The following HYDIN variants were observed in gnomAD, a reference collection of about 807,000 sequenced individuals.
HYDIN encodes the protein axonemal central pair apparatus protein HYDIN.
A neutral mutation model predicts 403.9 loss-of-function variants in HYDIN; 132 were observed. The observed-to-expected ratio is 0.33, with a 90% CI of 0.28 to 0.38. The LOEUF is 0.38. HYDIN is among the 10% of genes least tolerant of loss of function. HYDIN has a pLI of 1.00. For missense variants in HYDIN, 2,827 were observed against 5,009.5 expected, an observed-to-expected ratio of 0.56 and a Z score of 13.15; for synonymous variants, 1,202 against 1,891.7, an observed-to-expected ratio of 0.64 and a Z score of 9.46.
chr16:71,042,096 C>T (rs2081302921), intron 18 of HYDIN, among the ~76,000 whole-genome samples: 1 of 150,678 alleles, frequency 6.6e-6, no homozygotes, highest in African/African-American at 2.4e-5. Context: ...TCAATATTTG[C>T]ATACGTTGTT....
intron 50 of HYDIN, among the ~76,000 whole-genome samples, chr16:70,906,162 G>T (rs112276113): frequency 0.04 from 6,072 of 152,232 alleles, 188 homozygotes; most frequent in South Asian, 0.12. Context: ...AAAAAAACTA[G>T]AATTGCTAAG....
intron 1 of HYDIN, among the ~76,000 whole-genome samples, chr16:71,189,494 G>A (rs972654592): frequency 1.3e-5 from 2 of 152,060 alleles, no homozygotes; most frequent in South Asian, 2.1e-4. Context: ...TTGGCTGGGC[G>A]TAGTGGCTCA....
chr16:70,921,048 C>A lies in HYDIN; in HGVS notation c.7328G>T (p.Gly2443Val), dbSNP rs200019472. 15 of 1,611,478 alleles carry A rather than the reference C, an allele frequency of 9.3e-6. No individual in the cohort carries two copies. The highest frequency in any genetic ancestry group is 1.3e-5 in the Non-Finnish European group (15 of 1,178,526). Residue 2443 changes from glycine (G) to valine (V), a missense_variant, in exon 46 of 86, where the codon GGG becomes GTG. Transcript: ENST00000393567. ...PLVQDQEDSEGDNSKDPDKQL... is the reference protein window; with the variant it reads ...PLVQDQEDSEVDNSKDPDKQL... ...CTTGTCGGGGTCCTTTGAGTTGTCCCCTTCACTGTCCTCTTGGTCCTGGAC... is the reference window on the plus strand; with the variant it reads ...CTTGTCGGGGTCCTTTGAGTTGTCCACTTCACTGTCCTCTTGGTCCTGGAC...
Position 70,818,415 on chromosome 16 carries a change from A to T in HYDIN, c.14585T>A (p.Val4862Glu), listed in dbSNP as rs1490561111. Residue 4862 changes from valine (V) to glutamate (E), a missense_variant, in exon 84 of 86, where the codon GTG (valine) becomes GAG (glutamate). Physicochemically the swap from Val to Glu is moderately radical, Grantham distance 121 (BLOSUM62 -2). Transcript: ENST00000393567. ...CATCCGGCATTCCGTGGAGAAGGTCACCGAGTAGGGCAGAGGGTTCTCCAA... is the reference window on the plus strand; with the variant it reads ...CATCCGGCATTCCGTGGAGAAGGTCTCCGAGTAGGGCAGAGGGTTCTCCAA... ...IKLENPLPYSVTFSTECRMPD... is the reference protein window; with the variant it reads ...IKLENPLPYSETFSTECRMPD... The T allele has an allele frequency of 6.2e-7, 1 of 1,613,356 alleles. No individual in the cohort carries two copies. Among genetic ancestry groups the T allele is most frequent in the Admixed American group, 1.7e-5 (1 of 59,952 alleles).
Position 70,807,682 on chromosome 16 carries a change from G to C in HYDIN, c.15264C>G (p.Ser5088Arg), listed in dbSNP as rs778557442. The C allele has an allele frequency of 1.2e-6, 2 of 1,614,148 alleles. No individual in the cohort carries two copies. Among genetic ancestry groups the C allele is most frequent in the South Asian group, 1.1e-5 (1 of 91,082 alleles). ...TVSFEGNPSG[S>R]KTPITTKLTV... ...TCAGCTTGGTGGTGATGGGGGTTTTGCTGCCAGATGGGTTTCCTTCAAAGG... is the reference window on the plus strand; with the variant it reads ...TCAGCTTGGTGGTGATGGGGGTTTTCCTGCCAGATGGGTTTCCTTCAAAGG... Residue 5088 changes from serine to arginine, a missense_variant, in exon 86 of 86, where the codon AGC becomes AGG. By Grantham distance (110) the Ser-to-Arg change is moderately radical. Coordinates refer to ENST00000393567, the MANE Select transcript of HYDIN (RefSeq NM_001270974.2).
At chr16:71,208,036 C>T (rs899724290) in intron 1 of HYDIN, among the ~76,000 whole-genome samples, 4 of 152,128 alleles carry the variant, frequency 2.6e-5, no homozygotes, top group Non-Finnish European at 4.4e-5. Flanking sequence ...CAAAGAAAGT[C>T]AGGACCTAAA....
At chr16:70,912,365 A>AT (rs1210707483) in intron 47 of HYDIN, among the ~76,000 whole-genome samples, 1 of 105,838 alleles carries the variant, frequency 9.4e-6, no homozygotes, top group East Asian at 2.6e-4. Context: ...TATTGAAATG[A>AT]TCATGTGATT....
intron 12 of HYDIN, among the ~76,000 whole-genome samples, chr16:71,087,025 AAAC>A (rs1303057029): frequency 1.3e-5 from 2 of 151,354 alleles, no homozygotes; most frequent in Non-Finnish European, 2.9e-5. Flanking sequence ...AATATTTGGA[AAAC>A]AACCCTCATT....
At chr16:70,957,013 G>A (rs1597410287) in intron 39 of HYDIN, among the ~76,000 whole-genome samples, 3 of 140,614 alleles carry the variant, frequency 2.1e-5, no homozygotes, top group Non-Finnish European at 4.5e-5. Context: ...TCATTTATAA[G>A]TATATGATTT....
rs377146809 is a variant in HYDIN, at chr16:70,808,051, T to C, written c.14895A>G (p.Thr4965=). 5.0e-5 allele frequency: 81 copies of C among 1,607,734 alleles called. No homozygotes were observed. The African/African-American group carries it at 9.2e-4, about 18-fold the overall frequency. Reference sequence around the variant, plus strand: ...TAATGAGTTTTTCTGCGTGGAAGTCTGTACAGTCGGTCTGAAAGGGGAACA... The same window carrying C: ...TAATGAGTTTTTCTGCGTGGAAGTCCGTACAGTCGGTCTGAAAGGGGAACA... ...RTEYYCRTDC[T]DFHAEKLINA... The change falls in exon 86 of 86, where the codon ACA becomes ACG. Residue 4965 remains threonine (T), a synonymous_variant. Coordinates refer to ENST00000393567, the MANE Select transcript of HYDIN (RefSeq NM_001270974.2).
intron 15 of HYDIN, among the ~76,000 whole-genome samples, chr16:71,065,919 AAG>A (rs2082248596): frequency 6.6e-6 from 1 of 152,168 alleles, no homozygotes; most frequent in African/African-American, 2.4e-5. Flanking sequence ...AAGGACATGA[AAG>A]AGGCTTTCTT....
chr16:70,807,994 T>G lies in HYDIN; in HGVS notation c.14952A>C (p.Glu4984Asp). Residue 4984 changes from glutamate (E) to aspartate (D), a missense_variant, in exon 86 of 86, where the codon GAA becomes GAC. Physicochemically the swap from Glu to Asp is conservative, Grantham distance 45. Transcript: ENST00000393567. ...GCTCGAATAAGACTTCCACACTGGCTTCAGTGCCTCCCTGGCCTCCTGGGG... is the reference window on the plus strand; with the variant it reads ...GCTCGAATAAGACTTCCACACTGGCGTCAGTGCCTCCCTGGCCTCCTGGGG... ...NAAPGGQGGT[E>D]ASVEVLFEPS... is the part of the protein sequence containing the mutation. The G allele has an allele frequency of 1.2e-6, 2 of 1,614,116 alleles. No homozygotes were observed. Among genetic ancestry groups the G allele is most frequent in the Non-Finnish European group, 8.5e-7 (1 of 1,180,004 alleles).
At chr16:70,848,456 G>C (rs1215638537) in intron 75 of HYDIN, among the ~76,000 whole-genome samples, 1 of 151,286 alleles carries the variant, frequency 6.6e-6, no homozygotes, top group Non-Finnish European at 1.5e-5. Flanking sequence ...TGGCAACTGT[G>C]AAAATCAGAT....
chr16:70,812,440 A>T (rs1178530966), intron 84 of HYDIN, among the ~76,000 whole-genome samples: 4 of 152,158 alleles, frequency 2.6e-5, no homozygotes, highest in Admixed American at 2.6e-4. Context: ...AGTGAGCCTG[A>T]TCACACCACT....
intron 18 of HYDIN, among the ~76,000 whole-genome samples, chr16:71,041,351 A>C (rs2081280890): frequency 6.6e-6 from 1 of 151,240 alleles, no homozygotes; most frequent in Non-Finnish European, 1.5e-5. Flanking sequence ...AGTTACATAC[A>C]TGTCATTTGA....
chr16:71,165,056 A>G (rs1286564033), intron 5 of HYDIN, among the ~76,000 whole-genome samples: 1 of 151,846 alleles, frequency 6.6e-6, no homozygotes, highest in Non-Finnish European at 1.5e-5. Flanking sequence ...TCCCAGGCTA[A>G]CAGGACTTTC....
intron 18 of HYDIN, among the ~76,000 whole-genome samples, chr16:71,038,452 G>T (rs1329711864): frequency 6.6e-6 from 1 of 151,770 alleles, no homozygotes; most frequent in Admixed American, 6.6e-5. Context: ...GAAGCTTGAA[G>T]AAAATAGCAT....
At position 71,067,337 on chromosome 16, in the gene HYDIN, G is replaced by T. The variant is rs144802912; in HGVS notation, c.2028C>A (p.Asp676Glu). The stretch of plus-strand genomic sequence containing the variant: ...GCACCTCTTCTCCGATGCCCTCCAC[G>T]TCCACCACGAGTGCCAGCTCGTATT... The part of the protein sequence containing the change: ...VQKYELALVV[D>E]VEGIGEEVLA... Residue 676 changes from aspartate to glutamate, a missense_variant, in exon 15 of 86, where the codon GAC (aspartate) becomes GAA (glutamate). Asp to Glu is a conservative substitution (Grantham distance 45). Transcript: ENST00000393567. The T allele has an allele frequency of 1.2e-6, 2 of 1,613,248 alleles. No homozygotes were observed. The highest frequency in any genetic ancestry group is 2.7e-5 in the African/African-American group (2 of 74,900).
intron 4 of HYDIN, among the ~76,000 whole-genome samples, chr16:71,176,837 G>T (rs551631662): frequency 6.6e-6 from 1 of 152,258 alleles, no homozygotes; most frequent in South Asian, 2.1e-4. Context: ...TGTGAGGGAC[G>T]GAGACACAAA....
Sources: allele counts gnomAD v4.1 joint callset (sites outside exome capture counted in the v4.1 genomes callset), GRCh38; gene constraint gnomAD v4.1.1; transcripts MANE v1.5; gene names NCBI Gene and HGNC (gene_info 2026-07-23, HGNC 2026-07-21).